Variants in RTL4 observed in about 807,000 individuals in gnomAD.
The protein encoded by RTL4 is retrotransposon Gag like 4, also known as retrotransposon Gag-like protein 4.
In RTL4, 4 loss-of-function variants were observed where a neutral mutation model predicts 5.3. That is an observed-to-expected ratio of 0.75 (90% CI 0.37 to 1.72). The LOEUF (loss-of-function observed/expected upper bound fraction) is 1.72. Among genes scored for constraint, RTL4 ranks in the 40% most tolerant of loss-of-function variants. RTL4 has a pLI of 0.04. For synonymous variants in RTL4, 98 were observed against 87.3 expected (o/e 1.12, Z -0.68); for missense variants, 260 against 227.1 (o/e 1.14, Z -0.93).
the RTL4 span, among the ~76,000 whole-genome samples, chrX:112,130,271 C>G: frequency 9.9e-6 from 1 of 101,287 alleles, no homozygotes; most frequent in Non-Finnish European, 2.0e-5. Context: ...GAGACGGAGT[C>G]GATTTTTCTA....
At chrX:112,336,739 A>G in the RTL4 span, among the ~76,000 whole-genome samples, 2 of 112,076 alleles carry the variant, frequency 1.8e-5, no homozygotes, top group African/African-American at 3.2e-5. Context: ...GAACATTTCT[A>G]TTATCACTGA....
At chrX:112,085,390 C>T in the RTL4 span, among the ~76,000 whole-genome samples, 1 of 112,609 alleles carries the variant, frequency 8.9e-6, no homozygotes, top group Non-Finnish European at 1.9e-5. Context: ...CTCCTCTCTT[C>T]TTACAGCCTT....
chrX:112,456,517 G>A (rs1047494972), exon 1 of RTL4: 2 of 299,928 alleles, frequency 6.7e-6, no homozygotes, highest in South Asian at 4.6e-4. Flanking sequence ...TCTAGGATAA[G>A]GATTTCTGAA....
chrX:112,148,304 T>C, the RTL4 span, among the ~76,000 whole-genome samples: 3 of 101,638 alleles, frequency 3.0e-5, no homozygotes, highest in Admixed American at 1.1e-4. Context: ...CCCAATGTGA[T>C]CTAACTGCCA....
chrX:112,328,326 T>C, the RTL4 span, among the ~76,000 whole-genome samples: 2 of 109,265 alleles, frequency 1.8e-5, no homozygotes, highest in African/African-American at 3.3e-5. Context: ...GCCAAGCAAA[T>C]GGAAAACAAA....
chrX:112,114,060 G>T, the RTL4 span, among the ~76,000 whole-genome samples: 1 of 111,623 alleles, frequency 9.0e-6, no homozygotes, highest in Non-Finnish European at 1.9e-5. Flanking sequence ...TTATCTTTTA[G>T]GCTCAATTGA....
At chrX:112,185,400 T>TAC in the RTL4 span, among the ~76,000 whole-genome samples, 5 of 99,788 alleles carry the variant, frequency 5.0e-5, no homozygotes, top group African/African-American at 1.9e-4. Context: ...TATATATATA[T>TAC]ATACACACAC....
At chrX:112,355,257 GACA>G in the RTL4 span, among the ~76,000 whole-genome samples, 1 of 110,893 alleles carries the variant, frequency 9.0e-6, no homozygotes, top group Non-Finnish European at 1.9e-5. Context: ...CATTTTTAAT[GACA>G]ACAACTTCAT....
chrX:112,188,737 C>CA, the RTL4 span, among the ~76,000 whole-genome samples: 24,061 of 109,564 alleles, frequency 0.22, 2,104 homozygotes, highest in African/African-American at 0.28. Flanking sequence ...CACTCACCCT[C>CA]AAAAAAAACT....
At chrX:112,284,435 G>A in the RTL4 span, among the ~76,000 whole-genome samples, 1 of 110,402 alleles carries the variant, frequency 9.1e-6, no homozygotes. Flanking sequence ...AGAATCCAAA[G>A]GTAAGGGAAT....
At chrX:112,368,565 G>T in the RTL4 span, among the ~76,000 whole-genome samples, 1 of 111,146 alleles carries the variant, frequency 9.0e-6, no homozygotes, top group Non-Finnish European at 1.9e-5. Context: ...GTCACTTCTG[G>T]GAGGGGGTTA....
the RTL4 span, among the ~76,000 whole-genome samples, chrX:112,350,487 C>G: frequency 9.1e-6 from 1 of 110,353 alleles, no homozygotes; most frequent in Non-Finnish European, 1.9e-5. Flanking sequence ...GTGAATCCCT[C>G]TGGTCCTGGA....
At chrX:112,421,694 T>C in the RTL4 span, among the ~76,000 whole-genome samples, 4 of 112,179 alleles carry the variant, frequency 3.6e-5, no homozygotes. Context: ...ACACCCCTTC[T>C]TGAGCACACA....
At chrX:112,342,183 TAG>T in the RTL4 span, among the ~76,000 whole-genome samples, 201 of 111,449 alleles carry the variant, frequency 1.8e-3, 3 homozygotes, top group Non-Finnish European at 2.9e-3. Flanking sequence ...TGCAGAATAA[TAG>T]AGTCATGGTA....
the RTL4 span, among the ~76,000 whole-genome samples, chrX:112,439,950 C>T: frequency 0.23 from 25,017 of 110,537 alleles, 2,168 homozygotes; most frequent in Middle Eastern, 0.28. Flanking sequence ...TTACCCAGCC[C>T]GAGGCATTCC....
chrX:112,263,618 C>T, the RTL4 span, among the ~76,000 whole-genome samples: 1 of 111,849 alleles, frequency 8.9e-6, no homozygotes, highest in African/African-American at 3.2e-5. Context: ...CAAGTTTACT[C>T]ATCTTGTTGA....
At chrX:112,136,338 C>CT in the RTL4 span, among the ~76,000 whole-genome samples, 1 of 111,486 alleles carries the variant, frequency 9.0e-6, no homozygotes, top group South Asian at 3.7e-4. Context: ...TACCTGATTG[C>CT]TTTGACTAGG....
chrX:112,233,440 G>T, the RTL4 span, among the ~76,000 whole-genome samples: 10 of 110,295 alleles, frequency 9.1e-5, no homozygotes, highest in East Asian at 2.3e-3. Context: ...TATAGCCCTT[G>T]AGGTGAAGAG....
chrX:112,359,720 C>G, the RTL4 span, among the ~76,000 whole-genome samples: 2 of 110,992 alleles, frequency 1.8e-5, no homozygotes, highest in East Asian at 2.9e-4. Context: ...TCTCTCTTGG[C>G]TAACTCTGGC....
Sources: allele counts gnomAD v4.1 joint callset (sites outside exome capture counted in the v4.1 genomes callset), GRCh38; gene constraint gnomAD v4.1.1; transcripts MANE v1.5; gene names NCBI Gene and HGNC (gene_info 2026-07-23, HGNC 2026-07-21).